Variants in KCNJ16 observed in about 807,000 individuals in gnomAD.
KCNJ16 encodes the protein potassium inwardly rectifying channel subfamily J member 16.
KCNJ16 carries 15 observed loss-of-function variants against 18.5 expected under a neutral mutation model. That is an observed-to-expected ratio of 0.81 (90% confidence interval 0.54 to 1.25). The LOEUF (loss-of-function observed/expected upper bound fraction) is 1.25. Ranked by LOEUF, KCNJ16 falls within the 50% of genes most tolerant of loss-of-function variation. The pLI is 0.00. For synonymous variants in KCNJ16, 174 were observed against 186.5 expected (o/e 0.93, Z 0.55); for missense variants, 523 against 525.7 (o/e 0.99, Z 0.05).
intron 2 of KCNJ16, chr17:70,102,306 C>T (rs1328125400): frequency 1.6e-5 from 2 of 125,212 alleles, no homozygotes; most frequent in Non-Finnish European, 3.2e-5. Context: ...TAGTTCACTA[C>T]AACCTCTGCC....
chr17:70,113,793 A>G (rs1052795870), intron 2 of KCNJ16, among the ~76,000 whole-genome samples: 3 of 152,176 alleles, frequency 2.0e-5, no homozygotes, highest in Non-Finnish European at 4.4e-5. Flanking sequence ...ATTCTTCTAT[A>G]GCACTATCAT....
At chr17:70,124,010 T>C (rs8078612) in intron 2 of KCNJ16, among the ~76,000 whole-genome samples, 30,320 of 152,162 alleles carry the variant, frequency 0.2, 3,582 homozygotes, top group African/African-American at 0.33. Flanking sequence ...GTCTTAAAAT[T>C]AGCTTAGAAA....
intron 1 of KCNJ16, among the ~76,000 whole-genome samples, chr17:70,081,590 C>T (rs1057209367): frequency 2.0e-5 from 3 of 152,098 alleles, no homozygotes; most frequent in Admixed American, 6.6e-5. Flanking sequence ...GAATATTGTT[C>T]GTGTGTCTCT....
intron 2 of KCNJ16, among the ~76,000 whole-genome samples, chr17:70,127,324 T>C (rs568004195): frequency 6.6e-6 from 1 of 152,068 alleles, no homozygotes; most frequent in South Asian, 2.1e-4. Context: ...TGGACAGTTA[T>C]CTAGTAGGTT....
chr17:70,107,852 A>C (rs1031530729), intron 2 of KCNJ16, among the ~76,000 whole-genome samples: 7 of 152,160 alleles, frequency 4.6e-5, no homozygotes, highest in Non-Finnish European at 4.4e-5. Flanking sequence ...TAAAACCTTT[A>C]AATACTAATG....
intron 2 of KCNJ16, among the ~76,000 whole-genome samples, chr17:70,106,841 T>C (rs1160923693): frequency 6.6e-6 from 1 of 152,142 alleles, no homozygotes; most frequent in Admixed American, 6.5e-5. Context: ...AAGAAAGTTA[T>C]GGCAAGAGAC....
chr17:70,117,076 A>T (rs2073439571), intron 2 of KCNJ16, among the ~76,000 whole-genome samples: 1 of 152,238 alleles, frequency 6.6e-6, no homozygotes, highest in Non-Finnish European at 1.5e-5. Context: ...GGTGGACTGG[A>T]TAAAGAAAAT....
rs879923000 is a variant in KCNJ16 at position 70,092,543 on chromosome 17, GATAGAT to G, written c.-299-8107_-299-8102del. The stretch of plus-strand genomic sequence containing the variant: ...ATAGATACATAGACAGATAGATATA[GATAGAT>G]ATAGATAGATGATAGATATAGATAG... On this transcript the variant is annotated intron_variant, in intron 1 of 3. Transcript: ENST00000392671. Among the ~76,000 whole-genome samples the G allele has an allele frequency of 8.9e-3, 72 of 8,070 alleles. 1 individual carries two copies. Among genetic ancestry groups the G allele is most frequent in the Middle Eastern group, 0.042 (1 of 24 alleles). The allele number at this position is 8,070 out of a possible 152,430, so 5.3% of individuals were successfully genotyped here.
At chr17:70,115,999 T>C (rs556106029) in intron 2 of KCNJ16, among the ~76,000 whole-genome samples, 1 of 152,344 alleles carries the variant, frequency 6.6e-6, no homozygotes, top group African/African-American at 2.4e-5. Flanking sequence ...AGAATTAATA[T>C]TCTTCAAAGT....
At chr17:70,079,553 A>G (rs2071461098) in intron 1 of KCNJ16, among the ~76,000 whole-genome samples, 1 of 152,216 alleles carries the variant, frequency 6.6e-6, no homozygotes, top group Non-Finnish European at 1.5e-5. Flanking sequence ...TAGACATTAT[A>G]TGTTTCAAGC....
At chr17:70,122,086 A>G (rs2073662614) in intron 2 of KCNJ16, among the ~76,000 whole-genome samples, 1 of 152,180 alleles carries the variant, frequency 6.6e-6, no homozygotes, top group Non-Finnish European at 1.5e-5. Context: ...TAGATTTAAT[A>G]TCTACTTAGA....
At chr17:70,098,488 G>A (rs1275790398) in intron 1 of KCNJ16, among the ~76,000 whole-genome samples, 2 of 151,050 alleles carry the variant, frequency 1.3e-5, no homozygotes, top group African/African-American at 4.9e-5. Flanking sequence ...TTTGCCATAT[G>A]CCTCTTAACA....
At chr17:70,126,459 T>C (rs1050171182) in intron 2 of KCNJ16, among the ~76,000 whole-genome samples, 3 of 152,316 alleles carry the variant, frequency 2.0e-5, no homozygotes, top group Non-Finnish European at 4.4e-5. Context: ...AATTATTGAA[T>C]GACTCTTGTG....
At chr17:70,095,847 T>C (rs183814050) in intron 1 of KCNJ16, among the ~76,000 whole-genome samples, 1 of 150,028 alleles carries the variant, frequency 6.7e-6, no homozygotes, top group African/African-American at 2.4e-5. Context: ...CTGTGATAAT[T>C]TGGCATTTTA....
intron 2 of KCNJ16, chr17:70,128,139 ATT>A (rs2073921279): frequency 6.6e-6 from 1 of 152,318 alleles, no homozygotes; most frequent in South Asian, 2.1e-4. Flanking sequence ...GATGAGTCTG[ATT>A]GAGACGCTTT....
Position 70,133,356 on chromosome 17 carries a change from A to C in KCNJ16, c.*12A>C. On this transcript the variant is annotated 3_prime_UTR_variant, in exon 4 of 4. Transcript: ENST00000392671. ...AATCCCAAATGTAGTCCTAAATTGC[A>C]ATTATGAGGGCTACCACTGAATCAT... 1 of 1,596,572 alleles carries C rather than the reference A, an allele frequency of 6.3e-7. No homozygotes were observed. Among genetic ancestry groups the C allele is most frequent in the Non-Finnish European group, 8.6e-7 (1 of 1,168,798 alleles).
intron 2 of KCNJ16, among the ~76,000 whole-genome samples, chr17:70,117,735 TTA>T (rs1285994199): frequency 1.3e-5 from 2 of 152,218 alleles, no homozygotes; most frequent in Non-Finnish European, 2.9e-5. Flanking sequence ...CAAAATATAA[TTA>T]GTAAGTGCCT....
chr17:70,100,542 TAAC>T (rs746965919), intron 1 of KCNJ16, 113 bp from the exon 2 acceptor site: 4 of 152,210 alleles, frequency 2.6e-5, no homozygotes, highest in Non-Finnish European at 4.4e-5. Flanking sequence ...CAATCAGACT[TAAC>T]AAACACTTAG....
At chr17:70,125,161 T>C (rs546750331) in intron 2 of KCNJ16, among the ~76,000 whole-genome samples, 76 of 151,886 alleles carry the variant, frequency 5.0e-4, no homozygotes, top group Middle Eastern at 3.4e-3. Flanking sequence ...AGCTACTTAC[T>C]TGGGAGGCTG....
Sources: allele counts gnomAD v4.1 joint callset (sites outside exome capture counted in the v4.1 genomes callset), GRCh38; gene constraint gnomAD v4.1.1; transcripts MANE v1.5; gene names NCBI Gene and HGNC (gene_info 2026-07-23, HGNC 2026-07-21).